TSHZ3: variants seen among roughly 807,000 people sequenced by gnomAD.
TSHZ3 encodes the protein teashirt zinc finger homeobox 3.
Under a neutral mutation model 64.5 loss-of-function variants are expected in TSHZ3, and 10 were observed. The ratio of observed to expected loss-of-function variants is 0.16; its 90% confidence interval spans 0.10 to 0.26. The LOEUF (loss-of-function observed/expected upper bound fraction) is 0.26, where lower values mean the gene tolerates loss of function less well. TSHZ3 is among the 10% of genes least tolerant of loss of function. The pLI is 1.00. For synonymous variants in TSHZ3, 608 were observed against 593.1 expected (o/e 1.03, Z -0.36); for missense variants, 1,242 against 1,421.7 (o/e 0.87, Z 2.03).
At chr19:31,323,958 T>C (rs981824648) in intron 1 of TSHZ3, among the ~76,000 whole-genome samples, 1 of 151,282 alleles carries the variant, frequency 6.6e-6, no homozygotes, top group Non-Finnish European at 1.5e-5. Context: ...TCCCTTTGCA[T>C]GTGGGGCTAC....
At chr19:31,160,795 C>T (rs1322357364) in intron 5 of TSHZ3, among the ~76,000 whole-genome samples, 1 of 152,032 alleles carries the variant, frequency 6.6e-6, no homozygotes, top group Admixed American at 6.6e-5. Flanking sequence ...CATTCACACA[C>T]ATTCACACAC....
At chr19:31,328,931 G>C (rs576408229) in intron 1 of TSHZ3, among the ~76,000 whole-genome samples, 2 of 152,270 alleles carry the variant, frequency 1.3e-5, no homozygotes, top group African/African-American at 4.8e-5. Flanking sequence ...AAGCGGGAGT[G>C]GCTCCCAATC....
intron 1 of TSHZ3, among the ~76,000 whole-genome samples, chr19:31,288,503 A>G (rs1320471071): frequency 1.3e-5 from 2 of 152,172 alleles, no homozygotes; most frequent in Non-Finnish European, 2.9e-5. Context: ...TTCAAAAGCC[A>G]TAGCAACCCA....
At chr19:31,266,791 A>T (rs1976058879) in intron 1 of TSHZ3, among the ~76,000 whole-genome samples, 1 of 152,220 alleles carries the variant, frequency 6.6e-6, no homozygotes, top group Admixed American at 6.5e-5. Context: ...ACTCCCTAGG[A>T]TGTGACAAGT....
chr19:31,213,519 T>C (rs1381324703), intron 4 of TSHZ3, among the ~76,000 whole-genome samples: 1 of 152,048 alleles, frequency 6.6e-6, no homozygotes, highest in Non-Finnish European at 1.5e-5. Flanking sequence ...TGTAAACCCA[T>C]AGAATGTACA....
intron 4 of TSHZ3, among the ~76,000 whole-genome samples, chr19:31,219,243 T>G (rs1975369528): frequency 6.6e-6 from 1 of 152,230 alleles, no homozygotes; most frequent in African/African-American, 2.4e-5. Context: ...TCACTGCCTA[T>G]GGAGAGACAG....
chr19:31,262,639 C>A (rs984098487), intron 1 of TSHZ3, among the ~76,000 whole-genome samples: 1 of 151,978 alleles, frequency 6.6e-6, no homozygotes, highest in African/African-American at 2.4e-5. Context: ...TCTTGAAAAT[C>A]TTATCTTTAA....
chr19:31,237,303 T>C lies in TSHZ3; in HGVS notation n.550+4966A>G, dbSNP rs572764790. ...TCTTTCACCTAAACTGTTAAACTTATCAGGCTGAAGTTGATTGCAATATGT... is the reference window on the plus strand; with the variant it reads ...TCTTTCACCTAAACTGTTAAACTTACCAGGCTGAAGTTGATTGCAATATGT... On this transcript the variant is annotated intron_variant and non_coding_transcript_variant, in intron 3 of 6. Transcript: ENST00000651361. Among the ~76,000 whole-genome samples, 61 of 152,342 alleles carry C rather than the reference T, an allele frequency of 4.0e-4. 1 individual carries two copies. The highest frequency in any genetic ancestry group is 3.4e-3 in the Middle Eastern group (1 of 294).
chr19:31,187,467 G>C (rs1974829291), intron 5 of TSHZ3, among the ~76,000 whole-genome samples: 1 of 151,468 alleles, frequency 6.6e-6, no homozygotes, highest in African/African-American at 2.4e-5. Context: ...TCTCTGTTAT[G>C]GTTTGCAGTT....
At chr19:31,178,540 G>A (rs186731593) in intron 5 of TSHZ3, among the ~76,000 whole-genome samples, 1 of 152,178 alleles carries the variant, frequency 6.6e-6, no homozygotes, top group Non-Finnish European at 1.5e-5. Flanking sequence ...GTAGCCGGGC[G>A]TGGTGGCACA....
At chr19:31,298,707 T>C (rs529193421) in intron 1 of TSHZ3, among the ~76,000 whole-genome samples, 2 of 152,058 alleles carry the variant, frequency 1.3e-5, no homozygotes, top group South Asian at 4.2e-4. Flanking sequence ...ATGGGCTCCA[T>C]GTCATGGATG....
chr19:31,193,396 C>T (rs1974941512), intron 5 of TSHZ3, among the ~76,000 whole-genome samples: 1 of 152,166 alleles, frequency 6.6e-6, no homozygotes, highest in African/African-American at 2.4e-5. Context: ...TCCCCAGATG[C>T]CCACTGGATG....
At chr19:31,345,609 C>G (rs1428764309) in intron 1 of TSHZ3, among the ~76,000 whole-genome samples, 3 of 152,194 alleles carry the variant, frequency 2.0e-5, no homozygotes, top group Non-Finnish European at 2.9e-5. Flanking sequence ...CTAAGAACTC[C>G]ACGGAACATT....
chr19:31,331,998 C>T (rs928038291), intron 1 of TSHZ3, among the ~76,000 whole-genome samples: 1 of 152,120 alleles, frequency 6.6e-6, no homozygotes, highest in African/African-American at 2.4e-5. Context: ...AGGGTGTTCC[C>T]TTCTCAACCT....
At chr19:31,316,756 G>A (rs915977990) in intron 1 of TSHZ3, among the ~76,000 whole-genome samples, 1 of 152,122 alleles carries the variant, frequency 6.6e-6, no homozygotes, top group Non-Finnish European at 1.5e-5. Flanking sequence ...AAAGCAGAGA[G>A]GGAAAGAATG....
intron 5 of TSHZ3, among the ~76,000 whole-genome samples, chr19:31,192,102 C>T (rs151196335): frequency 7.0e-4 from 106 of 151,970 alleles, no homozygotes; most frequent in African/African-American, 2.4e-3. Context: ...GTTGAGAATA[C>T]ATAATATAAT....
chr19:31,299,767 G>A (rs1457893655), intron 1 of TSHZ3, among the ~76,000 whole-genome samples: 1 of 152,080 alleles, frequency 6.6e-6, no homozygotes, highest in Non-Finnish European at 1.5e-5. Context: ...TTACTTCGGG[G>A]GTCTCTCACT....
chr19:31,253,964 C>T (rs1476788415), intron 1 of TSHZ3, among the ~76,000 whole-genome samples: 5 of 152,208 alleles, frequency 3.3e-5, no homozygotes, highest in Non-Finnish European at 7.4e-5. Flanking sequence ...TGTCAAAGGA[C>T]AGCTGGGTGT....
intron 4 of TSHZ3, among the ~76,000 whole-genome samples, chr19:31,205,584 C>A (rs1050225134): frequency 3.3e-5 from 5 of 152,318 alleles, no homozygotes; most frequent in African/African-American, 1.2e-4. Context: ...GGGCTGAGCC[C>A]GCTTCACCAG....
Sources: gnomAD v4.1 joint callset for allele counts (sites outside exome capture counted in the v4.1 genomes callset) on GRCh38, gnomAD v4.1.1 for gene constraint, MANE v1.5 for transcripts, NCBI Gene and HGNC (gene_info 2026-07-23, HGNC 2026-07-21) for gene names.